KIAA1217: variants seen among roughly 807,000 people sequenced by gnomAD.
KIAA1217 encodes the protein KIAA1217.
KIAA1217 carries 88 observed loss-of-function variants against 163.9 expected under a neutral mutation model. That is an observed-to-expected ratio of 0.54 (90% CI 0.45 to 0.64). The LOEUF (loss-of-function observed/expected upper bound fraction) is 0.64, where lower values mean the gene tolerates loss of function less well. Among genes scored for constraint, KIAA1217 ranks in the 30% least tolerant of loss-of-function variants. The probability of loss-of-function intolerance (pLI) is 0.00; values close to 1 mark genes in which losing one functional copy is unlikely to be tolerated. For synonymous variants in KIAA1217, 903 were observed against 923.1 expected (o/e 0.98, Z 0.39); for missense variants, 2,372 against 2,475.0 (o/e 0.96, Z 0.88).
chr10:23,794,984 C>T (rs1329956637), intron 1 of KIAA1217, among the ~76,000 whole-genome samples: 1 of 152,194 alleles, frequency 6.6e-6, no homozygotes, highest in African/African-American at 2.4e-5. Flanking sequence ...TGTAGGAGAG[C>T]TGGGAAGCCC....
intron 2 of KIAA1217, among the ~76,000 whole-genome samples, chr10:24,090,892 A>G (rs1194606218): frequency 6.6e-6 from 1 of 151,904 alleles, no homozygotes; most frequent in Admixed American, 6.5e-5. Context: ...TCATTGAAAC[A>G]CTAGTTACCT....
chr10:24,204,002 A>G (rs1054604543), upstream of KIAA1217, among the ~76,000 whole-genome samples: 2 of 152,250 alleles, frequency 1.3e-5, no homozygotes, highest in Admixed American at 6.5e-5. Flanking sequence ...CCAACTTAAA[A>G]TAGATAAAAG....
intron 1 of KIAA1217, among the ~76,000 whole-genome samples, chr10:23,842,610 A>C (rs567315737): frequency 3.5e-4 from 53 of 152,234 alleles, no homozygotes; most frequent in Admixed American, 3.5e-3. Flanking sequence ...AACTACTTCA[A>C]AACTCATGTT....
intron 2 of KIAA1217, among the ~76,000 whole-genome samples, chr10:24,300,324 T>A (rs2041159704): frequency 6.6e-6 from 1 of 152,234 alleles, no homozygotes. Context: ...ATTAGAAAAG[T>A]GACCACATGG....
intron 2 of KIAA1217, among the ~76,000 whole-genome samples, chr10:24,286,492 A>G (rs2078559873): frequency 6.6e-6 from 1 of 151,994 alleles, no homozygotes; most frequent in African/African-American, 2.4e-5. Flanking sequence ...ACACACACAT[A>G]CACACAATCA....
rs76906881 is a variant in KIAA1217 at position 23,714,957 on chromosome 10, C to A, written c.-321+19723C>A. 7.4e-3 allele frequency among the ~76,000 whole-genome samples: 1,130 copies of A among 152,228 alleles called. 14 individuals carry two copies. The highest frequency in any genetic ancestry group is 0.026 in the African/African-American group (1,062 of 41,554). ...GAATGTGCAGGACAATTAAAGTTGA[C>A]CCTTCATGGAAAGACAAGAACGCTA... On this transcript the variant is annotated intron_variant, in intron 1 of 18. Transcript: ENST00000376462.
intron 2 of KIAA1217, among the ~76,000 whole-genome samples, chr10:24,086,347 G>C (rs552157794): frequency 1.8e-4 from 28 of 152,320 alleles, no homozygotes; most frequent in Non-Finnish European, 3.8e-4. Flanking sequence ...TGAGAGTACA[G>C]ACACTCGTTC....
chr10:24,026,740 T>A (rs1362436571), intron 2 of KIAA1217, among the ~76,000 whole-genome samples: 1 of 116,960 alleles, frequency 8.5e-6, no homozygotes, highest in Non-Finnish European at 1.8e-5. Context: ...TCTATTTCAT[T>A]GATTTTTTTT....
At chr10:24,336,620 A>G (rs2046384731) in intron 2 of KIAA1217, among the ~76,000 whole-genome samples, 1 of 152,196 alleles carries the variant, frequency 6.6e-6, no homozygotes, top group Non-Finnish European at 1.5e-5. Flanking sequence ...CCATGGTAGG[A>G]GGACCACAGA....
intron 3 of KIAA1217, among the ~76,000 whole-genome samples, chr10:24,416,674 G>A (rs1364798871): frequency 6.6e-6 from 1 of 152,120 alleles, no homozygotes; most frequent in African/African-American, 2.4e-5. Context: ...CACAGTTGTG[G>A]GCTGGATCAT....
intron 2 of KIAA1217, among the ~76,000 whole-genome samples, chr10:24,025,611 G>A (rs1189097542): frequency 6.6e-6 from 1 of 151,604 alleles, no homozygotes; most frequent in Non-Finnish European, 1.5e-5. Context: ...ACAATTAAAA[G>A]CAAAACAATA....
chr10:23,797,079 C>T (rs1479331314), intron 1 of KIAA1217, among the ~76,000 whole-genome samples: 1 of 152,156 alleles, frequency 6.6e-6, no homozygotes, highest in East Asian at 1.9e-4. Flanking sequence ...TAGTCTCAAA[C>T]TCATGGCCTC....
chr10:24,049,340 C>T (rs1000728025), intron 2 of KIAA1217, among the ~76,000 whole-genome samples: 9 of 151,962 alleles, frequency 5.9e-5, no homozygotes, highest in Admixed American at 2.0e-4. Flanking sequence ...TAACAGTCTC[C>T]GAGTTTTACA....
chr10:24,132,416 T>C (rs759669764), intron 2 of KIAA1217, among the ~76,000 whole-genome samples: 3 of 152,194 alleles, frequency 2.0e-5, no homozygotes, highest in Non-Finnish European at 2.9e-5. Flanking sequence ...AGACCAAGTG[T>C]GTCCATTTCA....
intron 2 of KIAA1217, among the ~76,000 whole-genome samples, chr10:24,190,581 A>G (rs1243307184): frequency 6.6e-6 from 1 of 152,208 alleles, no homozygotes; most frequent in East Asian, 1.9e-4. Flanking sequence ...CAAGGAATCC[A>G]GAAGTTTCTC....
At chr10:24,256,182 C>CAGA (rs2075141192) in intron 2 of KIAA1217, among the ~76,000 whole-genome samples, 1 of 152,018 alleles carries the variant, frequency 6.6e-6, no homozygotes, top group Non-Finnish European at 1.5e-5. Flanking sequence ...TCGCAAAGTG[C>CAGA]AGATGAGGTC....
chr10:24,296,922 G>C (rs145395808), intron 2 of KIAA1217, among the ~76,000 whole-genome samples: 1 of 152,196 alleles, frequency 6.6e-6, no homozygotes, highest in African/African-American at 2.4e-5. Flanking sequence ...GACCAAGTAC[G>C]TGGCAACTAC....
At chr10:23,853,186 C>G (rs1219508094) in intron 1 of KIAA1217, among the ~76,000 whole-genome samples, 2 of 152,066 alleles carry the variant, frequency 1.3e-5, no homozygotes, top group Non-Finnish European at 2.9e-5. Flanking sequence ...GAGATACGTC[C>G]CATCAATACC....
At chr10:23,703,037 T>A (rs1836583108) in intron 1 of KIAA1217, among the ~76,000 whole-genome samples, 1 of 152,034 alleles carries the variant, frequency 6.6e-6, no homozygotes, top group Non-Finnish European at 1.5e-5. Context: ...TCCCTCGGGC[T>A]CCTTGATGCA....
Sources: gnomAD v4.1 joint callset for allele counts (sites outside exome capture counted in the v4.1 genomes callset) on GRCh38, gnomAD v4.1.1 for gene constraint, MANE v1.5 for transcripts, NCBI Gene and HGNC (gene_info 2026-07-23, HGNC 2026-07-21) for gene names.